Variants in GDAP2 observed in about 807,000 individuals in gnomAD.
The protein encoded by GDAP2 is ganglioside induced differentiation associated protein 2.
A neutral mutation model predicts 67.0 loss-of-function variants in GDAP2; 51 were observed. The ratio of observed to expected loss-of-function variants is 0.76; its 90% CI spans 0.61 to 0.96. GDAP2 has a LOEUF of 0.96. GDAP2 is among the 40% of genes least tolerant of loss of function. The pLI is 0.00. For synonymous variants in GDAP2, 203 were observed against 207.3 expected (o/e 0.98, Z 0.18); for missense variants, 547 against 588.3 (o/e 0.93, Z 0.73).
intron 11 of GDAP2, 26 bp downstream of exon 11, chr1:117,883,462 C>T (rs1648735788): frequency 6.4e-7 from 1 of 1,570,188 alleles, no homozygotes; most frequent in Non-Finnish European, 8.8e-7. Flanking sequence ...ACTATTTCCC[C>T]TTCATAATTT....
In GDAP2 at chr1:117,864,947, A is replaced by C. The variant is rs1648011246; in HGVS notation, c.*5622T>G. 6.6e-6 allele frequency: 1 copy of C among 152,220 alleles called. No homozygotes were observed. The highest frequency in any genetic ancestry group is 1.5e-5 in the Non-Finnish European group (1 of 68,054). 9.4% of individuals were successfully genotyped at this position (152,220 alleles called of 1,614,324 possible). On this transcript the variant is annotated 3_prime_UTR_variant, in exon 14 of 14. Coordinates refer to ENST00000369443, the MANE Select transcript of GDAP2 (RefSeq NM_017686.4). ...CAGTTCTGTCTCCTTTCCTTGAAAG[A>C]GAAAATCTGGAAGCTAAATGCAGTC...
At position 117,893,443 on chromosome 1, in the gene GDAP2, A is replaced by G. The variant is rs377144090; in HGVS notation, c.953+3390T>C. Among the ~76,000 whole-genome samples the G allele has an allele frequency of 3.9e-4, 60 of 152,306 alleles. 1 individual carries two copies. The South Asian group carries it at 0.012, about 31-fold the overall frequency. On this transcript the variant is annotated intron_variant, in intron 8 of 13. Transcript: ENST00000369443. ...ACTGAGGTGACAAGGCAGTGCTACG[A>G]AAGGAGTGACATAAAACTATTGCCA...
intron 5 of GDAP2, among the ~76,000 whole-genome samples, chr1:117,908,835 AT>A (rs572576594): frequency 1.3e-4 from 19 of 146,684 alleles, no homozygotes; most frequent in African/African-American, 5.2e-4. Context: ...AAAAAAATAA[AT>A]AAATAAATAA....
chr1:117,889,623 T>G (rs1016012200), intron 8 of GDAP2, among the ~76,000 whole-genome samples: 22 of 152,098 alleles, frequency 1.4e-4, no homozygotes, highest in African/African-American at 4.8e-4. Flanking sequence ...ATCTTTAGTA[T>G]GAAGGTTAAA....
Position 117,864,471 on chromosome 1 carries a change from C to T in GDAP2, c.*6098G>A, listed in dbSNP as rs1451005467. 1 of 152,168 alleles carries T rather than the reference C, an allele frequency of 6.6e-6. No individual in the cohort carries two copies. The highest frequency in any genetic ancestry group is 1.5e-5 in the Non-Finnish European group (1 of 68,038). The allele number at this position is 152,168 out of a possible 1,614,324, so 9.4% of individuals were successfully genotyped here. A position where few individuals can be genotyped will look rare whatever the true frequency, so the allele number is the denominator to read the frequency against. On this transcript the variant is annotated 3_prime_UTR_variant, in exon 14 of 14. Coordinates refer to ENST00000369443, the MANE Select transcript of GDAP2 (RefSeq NM_017686.4). ...TACATGGCAGTACATGCCTGTTGAA[C>T]TGAAAAGAGCCTGTACTGTAGCACT...
intron 1 of GDAP2, among the ~76,000 whole-genome samples, chr1:117,925,409 C>T (rs1352845051): frequency 1.3e-5 from 2 of 152,058 alleles, no homozygotes; most frequent in East Asian, 3.9e-4. Context: ...GCTGAGATCA[C>T]ACCACTGCAC....
At chr1:117,929,394 GC>G in intron 1 of GDAP2, 53 bp downstream of exon 1, 1 of 153,094 alleles carries the variant, frequency 6.5e-6, no homozygotes, top group Non-Finnish European at 1.5e-5. Context: ...CTCGGACCGC[GC>G]CCCCGGCCCT....
intron 10 of GDAP2, 46 bp from the exon 11 acceptor site, chr1:117,883,673 A>C (rs747397377): frequency 7.8e-5 from 111 of 1,430,872 alleles, no homozygotes; most frequent in Middle Eastern, 3.6e-4. Context: ...TTTGAACAGT[A>C]GTCTATTTCA....
Position 117,882,249 on chromosome 1 carries a change from A to G in GDAP2, c.1248-372T>C, listed in dbSNP as rs887480702. 3.9e-5 allele frequency among the ~76,000 whole-genome samples: 6 copies of G among 152,126 alleles called. No individual in the cohort carries two copies. In the South Asian group the frequency reaches 1.0e-3, roughly 26 times the overall value. On this transcript the variant is annotated intron_variant, in intron 11 of 13. Transcript: ENST00000369443. ...TAAAATTATAGCAAAATTTTAAACT[A>G]AAAGTTTCAATGGTCATATTACAAC...
At chr1:117,923,757 T>C (rs1247462465) in intron 1 of GDAP2, among the ~76,000 whole-genome samples, 1 of 152,198 alleles carries the variant, frequency 6.6e-6, no homozygotes, top group Non-Finnish European at 1.5e-5. Context: ...CCCCTTCCTG[T>C]CCCCCAAAGT....
At chr1:117,880,446 T>C (rs1451073379) in intron 12 of GDAP2, among the ~76,000 whole-genome samples, 1 of 152,168 alleles carries the variant, frequency 6.6e-6, no homozygotes, top group South Asian at 2.1e-4. Context: ...ATAACCACAC[T>C]GGAGTAATTT....
intron 6 of GDAP2, among the ~76,000 whole-genome samples, chr1:117,900,241 AAGT>A (rs1407851710): frequency 7.9e-5 from 12 of 152,072 alleles, no homozygotes; most frequent in African/African-American, 2.9e-4. Flanking sequence ...TCAACTTCCC[AAGT>A]AGCTGGGATT....
At chr1:117,877,776 A>G in intron 13 of GDAP2, 1 of 1,234,720 alleles carries the variant, frequency 8.1e-7, no homozygotes, top group South Asian at 3.5e-5. Context: ...CTGAACTCAC[A>G]GCAGAGAGAT....
intron 3 of GDAP2, among the ~76,000 whole-genome samples, chr1:117,917,138 C>T (rs1650077057): frequency 6.6e-6 from 1 of 151,884 alleles, no homozygotes; most frequent in Non-Finnish European, 1.5e-5. Context: ...TCATTTTAAA[C>T]TTACTGCAAA....
intron 10 of GDAP2, among the ~76,000 whole-genome samples, chr1:117,883,955 GTT>G (rs777867200): frequency 6.6e-6 from 1 of 152,052 alleles, no homozygotes; most frequent in African/African-American, 2.4e-5. Context: ...CAACTACCAG[GTT>G]TTCTCTCTCC....
In GDAP2 at chr1:117,864,628, T is replaced by G. The variant is rs945007791; in HGVS notation, c.*5941A>C. The stretch of plus-strand genomic sequence containing the variant: ...TAAACTTGTTTTGGTTTTATACTTG[T>G]GCAAGACATATAAACATAAAGCATT... On this transcript the variant is annotated 3_prime_UTR_variant, in exon 14 of 14. Coordinates refer to ENST00000369443, the MANE Select transcript of GDAP2 (RefSeq NM_017686.4). The G allele has an allele frequency of 1.1e-4, 17 of 152,308 alleles. No homozygotes were observed. The highest frequency in any genetic ancestry group is 4.1e-4 in the African/African-American group (17 of 41,586). 9.4% of individuals were successfully genotyped at this position (152,308 alleles called of 1,614,324 possible).
At chr1:117,884,406 A>G (rs1648775928) in intron 10 of GDAP2, among the ~76,000 whole-genome samples, 1 of 152,228 alleles carries the variant, frequency 6.6e-6, no homozygotes, top group Non-Finnish European at 1.5e-5. Context: ...CACATAGAAA[A>G]AGCTAAGAGG....
At chr1:117,875,227 T>C (rs1002572973) in intron 13 of GDAP2, among the ~76,000 whole-genome samples, 4 of 152,138 alleles carry the variant, frequency 2.6e-5, no homozygotes, top group Admixed American at 1.3e-4. Context: ...ACAGAATGGT[T>C]TGGGAGCGAC....
chr1:117,899,974 T>C (rs796368876), intron 6 of GDAP2, among the ~76,000 whole-genome samples: 47 of 152,300 alleles, frequency 3.1e-4, no homozygotes, highest in African/African-American at 1.1e-3. Flanking sequence ...TTTCTTTCAT[T>C]TTCATATTGT....
Sources: allele counts gnomAD v4.1 joint callset (sites outside exome capture counted in the v4.1 genomes callset), GRCh38; gene constraint gnomAD v4.1.1; transcripts MANE v1.5; gene names NCBI Gene and HGNC (gene_info 2026-07-23, HGNC 2026-07-21).